The following UBE2L3 variants were observed in gnomAD, a reference collection of about 807,000 sequenced individuals.
The protein encoded by UBE2L3 is ubiquitin conjugating enzyme E2 L3, also known as ubiquitin-conjugating enzyme E2 L3.
Under a neutral mutation model 17.8 loss-of-function variants are expected in UBE2L3, and 1 was observed. The observed-to-expected ratio is 0.06, with a 90% CI of 0.02 to 0.27. UBE2L3 has a LOEUF of 0.27. Among genes scored for constraint, UBE2L3 ranks in the 10% least tolerant of loss-of-function variants. UBE2L3 has a pLI of 1.00. For missense variants in UBE2L3, 40 were observed against 192.6 expected (o/e 0.21, Z 4.69); for synonymous variants, 44 against 68.5 (o/e 0.64, Z 1.76).
intron 1 of UBE2L3, among the ~76,000 whole-genome samples, chr22:21,587,869 A>AG (rs1928031825): frequency 6.6e-6 from 1 of 152,130 alleles, no homozygotes; most frequent in African/African-American, 2.4e-5. Flanking sequence ...TTCCATTTTC[A>AG]GGAGCTGGGT....
chr22:21,556,443 T>C (rs1469100289), intron 1 of UBE2L3, among the ~76,000 whole-genome samples: 1 of 152,236 alleles, frequency 6.6e-6, no homozygotes, highest in Non-Finnish European at 1.5e-5. Context: ...ATCATTTATT[T>C]TTTGGAGACA....
intron 2 of UBE2L3, among the ~76,000 whole-genome samples, chr22:21,603,066 C>G (rs1928947890): frequency 6.6e-6 from 1 of 152,140 alleles, no homozygotes; most frequent in Non-Finnish European, 1.5e-5. Flanking sequence ...CATCTAAGTA[C>G]TTGAGAAACT....
At chr22:21,590,826 AC>A (rs978389273) in intron 1 of UBE2L3, among the ~76,000 whole-genome samples, 3 of 151,928 alleles carry the variant, frequency 2.0e-5, no homozygotes, top group Non-Finnish European at 4.4e-5. Flanking sequence ...AATCCTTCCC[AC>A]CCCAGATTCC....
upstream of UBE2L3, among the ~76,000 whole-genome samples, chr22:21,566,883 G>T (rs113929149): frequency 8.8e-4 from 134 of 152,300 alleles, 3 homozygotes; most frequent in African/African-American, 3.1e-3. Flanking sequence ...CCTGTGACAG[G>T]AGCCTGGCTC....
chr22:21,568,145 G>A, intron 1 of UBE2L3: 1 of 1,029,218 alleles, frequency 9.7e-7, no homozygotes, highest in African/African-American at 1.7e-5. Context: ...AGGCCCGAGC[G>A]CCGGAGCCCC....
At chr22:21,596,685 C>T (rs1437772164) in intron 2 of UBE2L3, among the ~76,000 whole-genome samples, 2 of 152,006 alleles carry the variant, frequency 1.3e-5, no homozygotes, top group Non-Finnish European at 2.9e-5. Flanking sequence ...CTGGGTTTCT[C>T]CATGTTGGTC....
chr22:21,562,057 C>T (rs1158551028), intron 1 of UBE2L3, among the ~76,000 whole-genome samples: 2 of 152,044 alleles, frequency 1.3e-5, no homozygotes, highest in Non-Finnish European at 2.9e-5. Context: ...CTGGTTCCTC[C>T]CCCAGCTTCT....
At chr22:21,570,636 A>G (rs1234319243) in intron 1 of UBE2L3, among the ~76,000 whole-genome samples, 2 of 152,060 alleles carry the variant, frequency 1.3e-5, no homozygotes, top group Non-Finnish European at 2.9e-5. Flanking sequence ...AAAGGCTTTC[A>G]GTTCACTAGG....
At position 21,623,665 on chromosome 22, in the gene UBE2L3, G is replaced by C. The variant is rs1174912091; in HGVS notation, c.*1996G>C. 6.5e-6 allele frequency: 1 copy of C among 152,894 alleles called. No homozygotes were observed. The highest frequency in any genetic ancestry group is 1.5e-5 in the Non-Finnish European group (1 of 68,116). 9.5% of individuals were successfully genotyped at this position (152,894 alleles called of 1,614,324 possible). A position where few individuals can be genotyped will look rare whatever the true frequency, so the allele number is the denominator to read the frequency against. ...GCCGGCAGCCCCTCAGGGACTCTCA[G>C]CCCTGGCACTGGCACCCCAGGGTTG... On this transcript the variant is annotated 3_prime_UTR_variant, in exon 4 of 4. Coordinates refer to ENST00000342192, the MANE Select transcript of UBE2L3 (RefSeq NM_003347.4).
intron 2 of UBE2L3, among the ~76,000 whole-genome samples, chr22:21,594,886 C>T (rs1678576461): frequency 6.6e-6 from 1 of 152,170 alleles, no homozygotes; most frequent in East Asian, 1.9e-4. Context: ...ATCTGTGGCT[C>T]TTTGGAAAAT....
intron 1 of UBE2L3, chr22:21,568,233 G>A: frequency 2.0e-6 from 2 of 988,472 alleles, no homozygotes; most frequent in Non-Finnish European, 2.4e-6. Flanking sequence ...TGGCCCGGCC[G>A]CAGCTCGGGA....
In UBE2L3 at chr22:21,608,538, C is replaced by T. The variant is rs575225492; in HGVS notation, c.124-2319C>T. On this transcript the variant is annotated intron_variant, in intron 2 of 3. Coordinates refer to ENST00000342192, the MANE Select transcript of UBE2L3 (RefSeq NM_003347.4). Reference sequence around the variant, plus strand: ...TCCCGGGTTTAAGCAATTCTCCTACCTCAGCCTCCCAAGTAGCTGGACTAC... The same window carrying T: ...TCCCGGGTTTAAGCAATTCTCCTACTTCAGCCTCCCAAGTAGCTGGACTAC... Among the ~76,000 whole-genome samples the T allele has an allele frequency of 7.5e-4, 114 of 152,226 alleles. 2 individuals are homozygous for T. In the South Asian group the frequency reaches 0.011, roughly 15 times the overall value.
At chr22:21,588,550 C>G (rs981119244) in intron 1 of UBE2L3, among the ~76,000 whole-genome samples, 1 of 149,894 alleles carries the variant, frequency 6.7e-6, no homozygotes, top group South Asian at 2.1e-4. Flanking sequence ...ACTCACTGCA[C>G]AGCCTTGACT....
At chr22:21,586,301 C>T (rs1057495581) in intron 1 of UBE2L3, among the ~76,000 whole-genome samples, 1 of 151,902 alleles carries the variant, frequency 6.6e-6, no homozygotes, top group Non-Finnish European at 1.5e-5. Flanking sequence ...CTCTGGGAGT[C>T]TGCACCCAGG....
intron 1 of UBE2L3, among the ~76,000 whole-genome samples, chr22:21,586,292 T>C (rs1927929515): frequency 6.6e-6 from 1 of 152,022 alleles, no homozygotes; most frequent in Non-Finnish European, 1.5e-5. Context: ...GGAGTCTCAC[T>C]CTGGGAGTCT....
intron 1 of UBE2L3, among the ~76,000 whole-genome samples, chr22:21,573,053 C>T (rs933121828): frequency 1.3e-5 from 2 of 152,148 alleles, no homozygotes; most frequent in African/African-American, 4.8e-5. Context: ...TTGTGGTAGA[C>T]ACCTGCATCG....
At chr22:21,613,253 T>G (rs919109025) in intron 3 of UBE2L3, among the ~76,000 whole-genome samples, 1 of 152,158 alleles carries the variant, frequency 6.6e-6, no homozygotes, top group Non-Finnish European at 1.5e-5. Context: ...CGTGGCAGGG[T>G]TATTCACTTT....
At chr22:21,607,798 C>T (rs1329731223) in intron 2 of UBE2L3, among the ~76,000 whole-genome samples, 3 of 152,198 alleles carry the variant, frequency 2.0e-5, no homozygotes, top group Non-Finnish European at 2.9e-5. Context: ...TGGTGCTGGC[C>T]CTGCCTGGTG....
At chr22:21,605,760 C>T (rs1929126172) in intron 2 of UBE2L3, among the ~76,000 whole-genome samples, 1 of 152,226 alleles carries the variant, frequency 6.6e-6, no homozygotes, top group South Asian at 2.1e-4. Flanking sequence ...CACATTTCAG[C>T]CTCCCAAAGT....
Sources: gnomAD v4.1 joint callset for allele counts (sites outside exome capture counted in the v4.1 genomes callset) on GRCh38, gnomAD v4.1.1 for gene constraint, MANE v1.5 for transcripts, NCBI Gene and HGNC (gene_info 2026-07-23, HGNC 2026-07-21) for gene names.